Variants in SYNE1 observed in about 807,000 individuals in gnomAD.
The protein encoded by SYNE1 is spectrin repeat containing nuclear envelope protein 1.
Under a neutral mutation model 1,111.0 loss-of-function variants are expected in SYNE1, and 616 were observed. The observed-to-expected ratio is 0.55, with a 90% confidence interval of 0.52 to 0.59. The LOEUF (loss-of-function observed/expected upper bound fraction) is 0.59. Among genes scored for constraint, SYNE1 ranks in the 20% least tolerant of loss-of-function variants. The pLI, the probability that SYNE1 is intolerant of heterozygous loss-of-function variation, is 0.00. For missense variants in SYNE1, 10,006 were observed against 10,417.0 expected (o/e 0.96, Z 1.72); for synonymous variants, 3,855 against 3,825.8 (o/e 1.01, Z -0.28).
At chr6:152,313,217 C>T (rs1225363758) in intron 87 of SYNE1, among the ~76,000 whole-genome samples, 2 of 152,252 alleles carry the variant, frequency 1.3e-5, no homozygotes, top group East Asian at 1.9e-4. Flanking sequence ...TGCTTTTGTT[C>T]TTAAGATACC....
intron 10 of SYNE1, among the ~76,000 whole-genome samples, chr6:152,501,659 C>T (rs1295845633): frequency 6.6e-6 from 1 of 151,502 alleles, no homozygotes; most frequent in Admixed American, 6.6e-5. Flanking sequence ...TGTTTGAACC[C>T]GGCTGGCAGA....
intron 140 of SYNE1, among the ~76,000 whole-genome samples, chr6:152,137,625 G>A (rs750292778): frequency 1.3e-5 from 2 of 152,158 alleles, no homozygotes; most frequent in African/African-American, 2.4e-5. Context: ...GAGTATCTAG[G>A]TACTGTTTAA....
Position 152,294,064 on chromosome 6 carries a change from G to C in SYNE1, c.17746C>G (p.Pro5916Ala). Residue 5916 changes from proline (P) to alanine (A), a missense_variant, in exon 94 of 146, where the codon CCC (proline) becomes GCC (alanine). Pro to Ala is a conservative substitution (Grantham distance 27, BLOSUM62 -1). Coordinates refer to ENST00000367255, the MANE Select transcript of SYNE1 (RefSeq NM_182961.4). ...RLQTDAAKIH[P>A]STSASQEFYE... The stretch of plus-strand genomic sequence containing the variant: ...AACTCCTGGGATGCGGATGTGCTGG[G>C]GTGAATTTTTGCAGCATCTGTCTGC... 6.2e-7 allele frequency: 1 copy of C among 1,613,924 alleles called. No individual in the cohort carries two copies. The highest frequency in any genetic ancestry group is 8.5e-7 in the Non-Finnish European group (1 of 1,180,004).
At chr6:152,593,616 C>T (rs1004077074) in intron 3 of SYNE1, among the ~76,000 whole-genome samples, 2 of 151,774 alleles carry the variant, frequency 1.3e-5, no homozygotes, top group South Asian at 2.1e-4. Flanking sequence ...ACATAGAGGA[C>T]GGAAAACATT....
chr6:152,526,225 T>C (rs922325006), intron 4 of SYNE1, 50 bp from the exon 5 acceptor site: 1 of 1,528,850 alleles, frequency 6.5e-7, no homozygotes, highest in East Asian at 2.3e-5. Flanking sequence ...TCCCTCTCTG[T>C]TTCTCTCTTT....
At chr6:152,340,602 G>A (rs932369877) in intron 74 of SYNE1, among the ~76,000 whole-genome samples, 3 of 152,150 alleles carry the variant, frequency 2.0e-5, no homozygotes, top group African/African-American at 7.2e-5. Context: ...CACCCCAGTT[G>A]TGAACCACTG....
At chr6:152,156,184 G>A (rs2152953858) in intron 131 of SYNE1, 87 bp from the exon 132 acceptor site, 2 of 1,358,454 alleles carry the variant, frequency 1.5e-6, no homozygotes, top group South Asian at 2.4e-5. Flanking sequence ...TAAATGGCTA[G>A]GCTACACCTT....
chr6:152,628,969 C>T (rs1446022367), intron 2 of SYNE1, among the ~76,000 whole-genome samples: 3 of 152,150 alleles, frequency 2.0e-5, no homozygotes, highest in Non-Finnish European at 4.4e-5. Flanking sequence ...GCGTTGTACT[C>T]TTTCCAGGAA....
chr6:152,308,033 A>G (rs2095431853), intron 91 of SYNE1, among the ~76,000 whole-genome samples: 1 of 152,110 alleles, frequency 6.6e-6, no homozygotes, highest in African/African-American at 2.4e-5. Context: ...GGGTTTCACC[A>G]TGTTGTCCAG....
chr6:152,503,368 C>T (rs537493595), intron 9 of SYNE1, among the ~76,000 whole-genome samples: 2 of 152,244 alleles, frequency 1.3e-5, no homozygotes, highest in Admixed American at 6.5e-5. Context: ...GGAAACTCTT[C>T]GAGGGCCTGA....
At chr6:152,215,542 A>G (rs2078427446) in intron 121 of SYNE1, among the ~76,000 whole-genome samples, 1 of 152,194 alleles carries the variant, frequency 6.6e-6, no homozygotes, top group African/African-American at 2.4e-5. Context: ...TTAAGGATGA[A>G]AATTATGCTG....
chr6:152,317,367 C>G (rs1023882451), intron 86 of SYNE1, among the ~76,000 whole-genome samples: 1 of 151,824 alleles, frequency 6.6e-6, no homozygotes, highest in South Asian at 2.1e-4. Flanking sequence ...ACCACAGGCA[C>G]GTGCCAACCA....
intron 3 of SYNE1, among the ~76,000 whole-genome samples, chr6:152,563,014 C>T (rs757420654): frequency 4.6e-5 from 7 of 151,384 alleles, no homozygotes; most frequent in Non-Finnish European, 1.0e-4. Flanking sequence ...TCTTTTGGTA[C>T]GAAGTATTTC....
chr6:152,246,554 G>C (rs969429414), intron 105 of SYNE1, among the ~76,000 whole-genome samples: 1 of 152,126 alleles, frequency 6.6e-6, no homozygotes, highest in South Asian at 2.1e-4. Flanking sequence ...ACAAAGAAAG[G>C]TCTCTTGGTA....
intron 3 of SYNE1, among the ~76,000 whole-genome samples, chr6:152,548,496 A>G (rs1352456365): frequency 1.3e-5 from 2 of 152,194 alleles, no homozygotes; most frequent in African/African-American, 2.4e-5. Flanking sequence ...TCATCACTGC[A>G]TGTTGAAGAA....
chr6:152,539,930 A>G (rs556872392), intron 4 of SYNE1, 30 bp downstream of exon 4: 45 of 1,612,026 alleles, frequency 2.8e-5, no homozygotes, highest in Admixed American at 2.3e-4. Context: ...CAACCTAAGT[A>G]AACCTGTAAT....
intron 144 of SYNE1, 37 bp downstream of exon 144, chr6:152,132,082 ACTC>A (rs1213274257): frequency 6.3e-7 from 1 of 1,575,514 alleles, no homozygotes; most frequent in South Asian, 1.1e-5. Context: ...CCCAGTGTTC[ACTC>A]CCATGGGCCA....
chr6:152,563,125 T>TCGG lies in SYNE1; in HGVS notation c.68-23105_68-23104insCCG. ...ACACATAGAGACAACAATAACAAAA[T>TCGG]AGTACCTTTTATCATACCCGGAGTC... On this transcript the variant is annotated intron_variant, in intron 3 of 145. Coordinates refer to ENST00000367255, the MANE Select transcript of SYNE1 (RefSeq NM_182961.4). 2.6e-5 allele frequency among the ~76,000 whole-genome samples: 4 copies of TCGG among 151,828 alleles called. No homozygotes were observed. In the South Asian group the frequency reaches 8.3e-4, roughly 32 times the overall value.
intron 136 of SYNE1, 84 bp downstream of exon 136, chr6:152,149,393 C>G: frequency 6.5e-7 from 1 of 1,537,172 alleles, no homozygotes; most frequent in Non-Finnish European, 9.0e-7. Flanking sequence ...AGTCTGAGCT[C>G]TCACCCACTA....
Sources: gnomAD v4.1 joint callset for allele counts (sites outside exome capture counted in the v4.1 genomes callset) on GRCh38, gnomAD v4.1.1 for gene constraint, MANE v1.5 for transcripts, NCBI Gene and HGNC (gene_info 2026-07-23, HGNC 2026-07-21) for gene names.